The following RMDN2 variants were observed in gnomAD, a reference collection of about 807,000 sequenced individuals.
The protein encoded by RMDN2 is regulator of microtubule dynamics protein 2.
In RMDN2, 61 loss-of-function variants were observed where a neutral mutation model predicts 52.8. That is an observed-to-expected ratio of 1.16 (90% CI 0.94 to 1.43). The LOEUF (loss-of-function observed/expected upper bound fraction) is 1.43, where lower values mean the gene tolerates loss of function less well. RMDN2 is among the 40% of genes most tolerant of loss of function. RMDN2 has a pLI of 0.00. For synonymous variants in RMDN2, 180 were observed against 153.1 expected (o/e 1.18, Z -1.30); for missense variants, 592 against 475.3 (o/e 1.25, Z -2.28).
At chr2:38,021,585 C>T (rs549170764), downstream of RMDN2, among the ~76,000 whole-genome samples, 3 of 152,150 alleles carry the variant, frequency 2.0e-5, no homozygotes, top group Non-Finnish European at 2.9e-5. Context: ...AAACTCCAGA[C>T]ACGCCGCCTT....
chr2:37,970,998 T>G (rs892417847), intron 2 of RMDN2, among the ~76,000 whole-genome samples: 1 of 152,074 alleles, frequency 6.6e-6, no homozygotes, highest in Admixed American at 6.5e-5. Flanking sequence ...TCTTCTATTC[T>G]GTGGGTTTTT....
At chr2:37,994,489 A>C (rs1467350592) in intron 7 of RMDN2, among the ~76,000 whole-genome samples, 1 of 152,240 alleles carries the variant, frequency 6.6e-6, no homozygotes, top group Non-Finnish European at 1.5e-5. Context: ...AATTGAAAAG[A>C]TGAAAACTAG....
intron 2 of RMDN2, among the ~76,000 whole-genome samples, chr2:37,962,111 A>G (rs62136311): frequency 1.3e-5 from 2 of 152,066 alleles, no homozygotes; most frequent in African/African-American, 4.8e-5. Context: ...GAGCTCTCCT[A>G]TATGAGGTGT....
chr2:37,951,213 G>C, intron 2 of RMDN2: 1 of 1,529,010 alleles, frequency 6.5e-7, no homozygotes, highest in Non-Finnish European at 8.7e-7. Context: ...TTCCTCATTT[G>C]ACCCTTTTCT....
intron 8 of RMDN2, among the ~76,000 whole-genome samples, chr2:37,999,688 G>A (rs2125171826): frequency 1.3e-5 from 2 of 152,208 alleles, no homozygotes; most frequent in Middle Eastern, 3.4e-3. Context: ...CCACACCCAG[G>A]AGAGTCTGCA....
chr2:38,017,338 A>G lies in RMDN2; in HGVS notation c.*99A>G, dbSNP rs1412475578. ...TATCCTTCATTTTTGATGTAAGGGT[A>G]TTGTGCTTAGATTTGAAGGTAAAGC... On this transcript the variant is annotated 3_prime_UTR_variant, in exon 11 of 11. Coordinates refer to ENST00000354545, the MANE Select transcript of RMDN2 (RefSeq NM_001170791.3). 1.3e-5 allele frequency: 18 copies of G among 1,424,726 alleles called. No individual in the cohort carries two copies. The highest frequency in any genetic ancestry group is 8.5e-5 in the Admixed American group (3 of 35,310). 88.3% of individuals were successfully genotyped at this position (1,424,726 alleles called of 1,614,324 possible).
chr2:37,939,422 C>G (rs1667589195), intron 2 of RMDN2, among the ~76,000 whole-genome samples: 1 of 152,146 alleles, frequency 6.6e-6, no homozygotes, highest in South Asian at 2.1e-4. Context: ...TGGTTCAGAG[C>G]TGAGTTCAAG....
intron 2 of RMDN2, chr2:37,951,240 A>C: frequency 6.3e-7 from 1 of 1,582,200 alleles, no homozygotes; most frequent in South Asian, 1.2e-5. Flanking sequence ...TAGCTGCTGC[A>C]AAGAGGACCA....
At chr2:38,035,044 C>T (rs1680480019) in intron 10 of RMDN2, among the ~76,000 whole-genome samples, 1 of 152,014 alleles carries the variant, frequency 6.6e-6, no homozygotes. Flanking sequence ...AATACATTAA[C>T]AGAATATGGT....
intron 5 of RMDN2, among the ~76,000 whole-genome samples, chr2:37,986,324 A>C (rs1482420115): frequency 6.6e-6 from 1 of 152,182 alleles, no homozygotes; most frequent in African/African-American, 2.4e-5. Flanking sequence ...TAATTTTCCA[A>C]AACAGAAAGC....
chr2:37,938,453 T>C (rs1667499277), intron 2 of RMDN2, among the ~76,000 whole-genome samples: 2 of 152,350 alleles, frequency 1.3e-5, no homozygotes, highest in African/African-American at 4.8e-5. Context: ...TTGTTTGGAA[T>C]AGTTTCAGAA....
intron 2 of RMDN2, among the ~76,000 whole-genome samples, chr2:37,946,299 T>C (rs1042754326): frequency 6.6e-6 from 1 of 152,140 alleles, no homozygotes; most frequent in Admixed American, 6.6e-5. Context: ...CTTATAACTT[T>C]AGTTTTTTTC....
intron 7 of RMDN2, among the ~76,000 whole-genome samples, chr2:37,994,648 C>T (rs913825092): frequency 1.3e-5 from 2 of 151,936 alleles, no homozygotes; most frequent in Admixed American, 6.6e-5. Flanking sequence ...AGAGAAAGAC[C>T]GCTATTTATT....
chr2:37,974,579 G>A (rs1305459986), intron 3 of RMDN2: 1 of 151,486 alleles, frequency 6.6e-6, no homozygotes, highest in Non-Finnish European at 1.5e-5. Context: ...TGTTGATTTT[G>A]CAGTGTTTAG....
chr2:38,030,868 C>A (rs1028765759), intron 10 of RMDN2: 9 of 152,048 alleles, frequency 5.9e-5, no homozygotes, highest in African/African-American at 2.2e-4. Context: ...CATACAATGT[C>A]TTAAATTATT....
intron 5 of RMDN2, among the ~76,000 whole-genome samples, chr2:37,985,242 C>G (rs1029420182): frequency 6.6e-6 from 1 of 152,126 alleles, no homozygotes; most frequent in Non-Finnish European, 1.5e-5. Context: ...GATTCTACCA[C>G]TATAGACCAG....
chr2:37,997,009 G>A (rs111248297), intron 7 of RMDN2, among the ~76,000 whole-genome samples: 2 of 152,236 alleles, frequency 1.3e-5, no homozygotes, highest in African/African-American at 4.8e-5. Flanking sequence ...CAAAGGCGGA[G>A]TCTTGTAGCC....
At chr2:37,983,464 T>A (rs1673595246) in intron 5 of RMDN2, among the ~76,000 whole-genome samples, 1 of 152,220 alleles carries the variant, frequency 6.6e-6, no homozygotes, top group Non-Finnish European at 1.5e-5. Context: ...GTATTAAATC[T>A]TATCAAAACA....
intron 4 of RMDN2, among the ~76,000 whole-genome samples, chr2:37,978,644 A>G (rs1672886027): frequency 6.6e-6 from 1 of 152,150 alleles, no homozygotes; most frequent in Non-Finnish European, 1.5e-5. Context: ...TGGGCAACAT[A>G]GGGAGACCTT....
Sources: gnomAD v4.1 joint callset for allele counts (sites outside exome capture counted in the v4.1 genomes callset) on GRCh38, gnomAD v4.1.1 for gene constraint, MANE v1.5 for transcripts, NCBI Gene and HGNC (gene_info 2026-07-23, HGNC 2026-07-21) for gene names.